The following KCTD7 variants were observed in gnomAD, a reference collection of about 807,000 sequenced individuals.
The protein encoded by KCTD7 is potassium channel tetramerization domain containing 7.
KCTD7 carries 15 observed loss-of-function variants against 27.0 expected under a neutral mutation model. The ratio of observed to expected loss-of-function variants is 0.56; its 90% CI spans 0.37 to 0.86. KCTD7 has a LOEUF of 0.86. Among genes scored for constraint, KCTD7 ranks in the 40% least tolerant of loss-of-function variants. The pLI is 0.00. For missense variants in KCTD7, 299 were observed against 398.9 expected, an observed-to-expected ratio of 0.75 and a Z score of 2.13; for synonymous variants, 159 against 162.7, an observed-to-expected ratio of 0.98 and a Z score of 0.17.
rs1377240768 is a variant in KCTD7, at chr7:66,638,857, C to T, written c.495C>T (p.Asp165=). 1.2e-6 allele frequency: 2 copies of T among 1,613,928 alleles called. No individual in the cohort carries two copies. Among genetic ancestry groups the T allele is most frequent in the African/African-American group, 2.7e-5 (2 of 74,904 alleles). ...AFLGLMPYYK[D]HLERIVEIAR... ...TAGGTGTTGTGTTCATCCTTATAGA[C>T]CACTTGGAGCGGATTGTGGAGATCG... Residue 165 remains aspartate (D), a splice_region_variant and synonymous_variant, in exon 4 of 4, where the codon GAC becomes GAT. Transcript: ENST00000639828.
chr7:66,639,886 A>T lies in KCTD7; in HGVS notation c.*654A>T, dbSNP rs1490846089. 1 of 1,245,070 alleles carries T rather than the reference A, an allele frequency of 8.0e-7. No individual in the cohort carries two copies. Among genetic ancestry groups the T allele is most frequent in the East Asian group, 3.1e-5 (1 of 32,260 alleles). The allele number at this position is 1,245,070 out of a possible 1,614,324, so 77.1% of individuals were successfully genotyped here. On this transcript the variant is annotated 3_prime_UTR_variant, in exon 4 of 4. Coordinates refer to ENST00000639828, the MANE Select transcript of KCTD7 (RefSeq NM_153033.5). ...CAAAGCTATGCACCCAGTTGGCCTT[A>T]GAAAACCACAATGTTTACAGCCCTG... is the stretch of plus-strand genomic sequence containing the variant.
chr7:66,635,448 T>C (rs891303419), intron 2 of KCTD7, among the ~76,000 whole-genome samples: 3 of 152,176 alleles, frequency 2.0e-5, no homozygotes, highest in Admixed American at 6.5e-5. Flanking sequence ...GAAATAATTA[T>C]AGCTGCTGCA....
rs1786486022 is a variant in KCTD7, at chr7:66,632,900, A to ATG, written c.145-375_145-374insTG. ...CTACTAAAAAAATATATATATATAT[A>ATG]CAAAAAATTAGCCGGGTGTGGTGGA... is the stretch of plus-strand genomic sequence containing the variant. On this transcript the variant is annotated intron_variant, in intron 1 of 3. Transcript: ENST00000639828. 2.0e-5 allele frequency among the ~76,000 whole-genome samples: 3 copies of ATG among 151,266 alleles called. No individual in the cohort carries two copies. The South Asian group carries it at 6.3e-4, about 32-fold the overall frequency.
Position 66,630,315 on chromosome 7 carries a change from G to T in KCTD7, c.144+1107G>T, listed in dbSNP as rs565026345. Among the ~76,000 whole-genome samples the T allele has an allele frequency of 3.3e-5, 5 of 152,268 alleles. No homozygotes were observed. In the East Asian group the frequency reaches 9.6e-4, roughly 29 times the overall value. ...AGCAAGAGAAGGGAAACGATGCCAG[G>T]TGTGGTGGCTTACACTTGTAATCCC... On this transcript the variant is annotated intron_variant, in intron 1 of 3. Coordinates refer to ENST00000639828, the MANE Select transcript of KCTD7 (RefSeq NM_153033.5).
rs1269418859 is a variant in KCTD7, at chr7:66,642,816, G to A, written c.*3584G>A. The stretch of plus-strand genomic sequence containing the variant: ...TCTGTGTATATACATACTGAGTGGG[G>A]AAGGATGGGGGTTGGCAGGGGTTGA... On this transcript the variant is annotated 3_prime_UTR_variant, in exon 4 of 4. Coordinates refer to ENST00000639828, the MANE Select transcript of KCTD7 (RefSeq NM_153033.5). 1 of 985,260 alleles carries A rather than the reference G, an allele frequency of 1.0e-6. No individual in the cohort carries two copies. The highest frequency in any genetic ancestry group is 1.2e-6 in the Non-Finnish European group (1 of 829,950). The allele number at this position is 985,260 out of a possible 1,614,324, so 61.0% of individuals were successfully genotyped here.
At position 66,642,154 on chromosome 7, in the gene KCTD7, C is replaced by T; in HGVS notation, c.*2922C>T. 1.0e-6 allele frequency: 1 copy of T among 985,242 alleles called. No homozygotes were observed. The highest frequency in any genetic ancestry group is 1.2e-6 in the Non-Finnish European group (1 of 829,872). 61.0% of individuals were successfully genotyped at this position (985,242 alleles called of 1,614,324 possible). Reference sequence around the variant, plus strand: ...AATAAAAAAGCTAATGTTATAGCAACAAAAAAAGACTGAAGCAAAACCACA... The same window carrying T: ...AATAAAAAAGCTAATGTTATAGCAATAAAAAAAGACTGAAGCAAAACCACA... On this transcript the variant is annotated 3_prime_UTR_variant, in exon 4 of 4. Coordinates refer to ENST00000639828, the MANE Select transcript of KCTD7 (RefSeq NM_153033.5).
rs1300527171 is a variant in KCTD7, at chr7:66,640,025, A to G, written c.*793A>G. 2 of 1,256,582 alleles carry G rather than the reference A, an allele frequency of 1.6e-6. No homozygotes were observed. The highest frequency in any genetic ancestry group is 6.2e-5 in the East Asian group (2 of 32,300). 77.8% of individuals were successfully genotyped at this position (1,256,582 alleles called of 1,614,324 possible). A position where few individuals can be genotyped will look rare whatever the true frequency, so the allele number is the denominator to read the frequency against. The stretch of plus-strand genomic sequence containing the variant: ...CTTCTTTTGAAGATTCCCCAAGTCA[A>G]GCAGGCAAGATGCCTAGATCTTCTG... On this transcript the variant is annotated 3_prime_UTR_variant, in exon 4 of 4. Coordinates refer to ENST00000639828, the MANE Select transcript of KCTD7 (RefSeq NM_153033.5).
intron 1 of KCTD7, among the ~76,000 whole-genome samples, chr7:66,630,527 T>C (rs1325256239): frequency 6.6e-6 from 1 of 152,168 alleles, no homozygotes; most frequent in Non-Finnish European, 1.5e-5. Context: ...GCATGTGGTA[T>C]GCGGAGTCCC....
At chr7:66,632,443 C>T (rs1204265391) in intron 1 of KCTD7, among the ~76,000 whole-genome samples, 4 of 144,626 alleles carry the variant, frequency 2.8e-5, no homozygotes, top group East Asian at 4.2e-4. Flanking sequence ...GCCGAGATCG[C>T]GCCACTGAAC....
chr7:66,638,188 A>C, intron 2 of KCTD7, 65 bp from the exon 3 acceptor site: 1 of 1,560,158 alleles, frequency 6.4e-7, no homozygotes, highest in East Asian at 2.2e-5. Flanking sequence ...TGTCCAATGC[A>C]CACTGTGTGG....
chr7:66,634,389 G>T (rs1201366023), intron 2 of KCTD7, among the ~76,000 whole-genome samples: 1 of 151,756 alleles, frequency 6.6e-6, no homozygotes, highest in Non-Finnish European at 1.5e-5. Flanking sequence ...TGGAGATAGG[G>T]TCTTGCTATG....
At chr7:66,638,540 C>A in intron 3 of KCTD7, 109 bp downstream of exon 3, 1 of 1,210,000 alleles carries the variant, frequency 8.3e-7, no homozygotes. Flanking sequence ...ATCCAGATTA[C>A]TCAAGATGCG....
intron 2 of KCTD7, among the ~76,000 whole-genome samples, chr7:66,637,040 T>A (rs1786602137): frequency 6.6e-6 from 1 of 152,162 alleles, no homozygotes; most frequent in Admixed American, 6.6e-5. Context: ...ATGACTCTAC[T>A]GCTAATACTT....
At chr7:66,638,161 A>G (rs1786628989) in intron 2 of KCTD7, 92 bp from the exon 3 acceptor site, 2 of 1,291,834 alleles carry the variant, frequency 1.5e-6, no homozygotes, top group Middle Eastern at 1.8e-4. Context: ...CACAGCTGGC[A>G]GTCTGGTTTT....
In KCTD7 at chr7:66,642,667, G is replaced by T. The variant is rs1256954398; in HGVS notation, c.*3435G>T. 1 of 985,204 alleles carries T rather than the reference G, an allele frequency of 1.0e-6. No individual in the cohort carries two copies. The highest frequency in any genetic ancestry group is 1.2e-6 in the Non-Finnish European group (1 of 829,938). The allele number at this position is 985,204 out of a possible 1,614,324, so 61.0% of individuals were successfully genotyped here. ...GCTTTCTTGGGTACTATTTTGCTGG[G>T]GCTCTTGCGTGAAGGTGGTACCTGT... is the stretch of plus-strand genomic sequence containing the variant. On this transcript the variant is annotated 3_prime_UTR_variant, in exon 4 of 4. Coordinates refer to ENST00000639828, the MANE Select transcript of KCTD7 (RefSeq NM_153033.5).
In KCTD7 at chr7:66,640,107, T is replaced by C. The variant is rs1197549547; in HGVS notation, c.*875T>C. ...GCTCAGAACACCTCCTTGGCTGCTA[T>C]CTCATGTGTTAGAATCCAGTTTGTG... On this transcript the variant is annotated 3_prime_UTR_variant, in exon 4 of 4. Coordinates refer to ENST00000639828, the MANE Select transcript of KCTD7 (RefSeq NM_153033.5). 2 of 1,327,894 alleles carry C rather than the reference T, an allele frequency of 1.5e-6. No individual in the cohort carries two copies. Among genetic ancestry groups the C allele is most frequent in the Non-Finnish European group, 1.9e-6 (2 of 1,045,560 alleles). The allele number at this position is 1,327,894 out of a possible 1,614,324, so 82.3% of individuals were successfully genotyped here.
Position 66,642,416 on chromosome 7 carries a change from T to C in KCTD7, c.*3184T>C. ...GGCTTATCAGGTGATATAATCTTCC[T>C]GTTCTGGGCTGCTTGCTGGAGGAAT... On this transcript the variant is annotated 3_prime_UTR_variant, in exon 4 of 4. Coordinates refer to ENST00000639828, the MANE Select transcript of KCTD7 (RefSeq NM_153033.5). 1 of 985,440 alleles carries C rather than the reference T, an allele frequency of 1.0e-6. No homozygotes were observed. Among genetic ancestry groups the C allele is most frequent in the Non-Finnish European group, 1.2e-6 (1 of 829,938 alleles). The allele number at this position is 985,440 out of a possible 1,614,324, so 61.0% of individuals were successfully genotyped here.
intron 2 of KCTD7, among the ~76,000 whole-genome samples, chr7:66,636,309 A>G (rs529377127): frequency 6.6e-5 from 10 of 152,024 alleles, no homozygotes; most frequent in East Asian, 1.9e-4. Flanking sequence ...TGGGTGTAGA[A>G]TCAGCCATGG....
At chr7:66,633,826 A>G (rs1584396172) in intron 2 of KCTD7, among the ~76,000 whole-genome samples, 1 of 151,740 alleles carries the variant, frequency 6.6e-6, no homozygotes, top group Admixed American at 6.6e-5. Flanking sequence ...CATCTCTACT[A>G]AAAATACAAA....
Sources: allele counts gnomAD v4.1 joint callset (sites outside exome capture counted in the v4.1 genomes callset), GRCh38; gene constraint gnomAD v4.1.1; transcripts MANE v1.5; gene names NCBI Gene and HGNC (gene_info 2026-07-23, HGNC 2026-07-21).